RB1CC1: variants seen among roughly 807,000 people sequenced by gnomAD.
The protein encoded by RB1CC1 is RB1 inducible coiled-coil 1, also known as RB1-inducible coiled-coil protein 1.
A neutral mutation model predicts 177.5 loss-of-function variants in RB1CC1; 46 were observed. That is an observed-to-expected ratio of 0.26 (90% confidence interval 0.20 to 0.33). The LOEUF (loss-of-function observed/expected upper bound fraction) is 0.33, where lower values mean the gene tolerates loss of function less well. Ranked by LOEUF, RB1CC1 falls within the 10% of genes least tolerant of loss-of-function variation. The pLI, the probability that RB1CC1 is intolerant of heterozygous loss-of-function variation, is 1.00. For synonymous variants in RB1CC1, 666 were observed against 613.6 expected, an observed-to-expected ratio of 1.09 and a Z score of -1.26; for missense variants, 1,703 against 1,816.3, an observed-to-expected ratio of 0.94 and a Z score of 1.13.
chr8:52,671,999 G>A (rs1852647486), intron 7 of RB1CC1, among the ~76,000 whole-genome samples: 1 of 152,106 alleles, frequency 6.6e-6, no homozygotes, highest in African/African-American at 2.4e-5. Flanking sequence ...TAATATAATG[G>A]TCATGTAAAA....
chr8:52,652,622 A>G (rs529461798), intron 15 of RB1CC1, among the ~76,000 whole-genome samples: 1 of 152,320 alleles, frequency 6.6e-6, no homozygotes, highest in South Asian at 2.1e-4. Context: ...GCGTAAAAAG[A>G]TACTGTGACA....
At chr8:52,630,155 T>C (rs1436586692) in intron 21 of RB1CC1, among the ~76,000 whole-genome samples, 4 of 152,250 alleles carry the variant, frequency 2.6e-5, no homozygotes, top group South Asian at 4.1e-4. Context: ...CTCTCCAATA[T>C]AGATTAACAA....
In RB1CC1 at chr8:52,657,780, T is replaced by TGCA; in HGVS notation, c.2046_2048dup (p.Ala683dup). 1.9e-6 allele frequency: 3 copies of TGCA among 1,613,912 alleles called. No individual in the cohort carries two copies. Among genetic ancestry groups the TGCA allele is most frequent in the Non-Finnish European group, 2.5e-6 (3 of 1,179,980 alleles). ...GAGATAATTCTTCTAAGGGACAAAC[T>TGCA]GCAGGACATAAGGGATCCTGAACAG... is the stretch of plus-strand genomic sequence containing the variant. On this transcript the variant is annotated inframe_insertion, in exon 15 of 24. Transcript: ENST00000025008.
In RB1CC1 at chr8:52,657,540, T is replaced by A. The variant is rs1479894023; in HGVS notation, c.2289A>T (p.Ser763=). The part of the protein sequence containing the change: ...DPQSPEMMVE[S]LYSSVINAID... ...TCGCATTGATAACTGATGAATAAAGTGATTCCACCATCATTTCTGGGCTTT... is the reference window on the plus strand; with the variant it reads ...TCGCATTGATAACTGATGAATAAAGAGATTCCACCATCATTTCTGGGCTTT... The change falls in exon 15 of 24, where the codon TCA becomes TCT. Residue 763 remains serine, a synonymous_variant. Coordinates refer to ENST00000025008, the MANE Select transcript of RB1CC1 (RefSeq NM_014781.5). 1 of 1,614,054 alleles carries A rather than the reference T, an allele frequency of 6.2e-7. No homozygotes were observed. Among genetic ancestry groups the A allele is most frequent in the East Asian group, 2.2e-5 (1 of 44,864 alleles).
chr8:52,644,507 A>G (rs550497044), intron 16 of RB1CC1, among the ~76,000 whole-genome samples: 3 of 152,306 alleles, frequency 2.0e-5, no homozygotes, highest in East Asian at 3.9e-4. Context: ...CATAGAGAAG[A>G]ATCTATAAAT....
At position 52,623,125 on chromosome 8, in the gene RB1CC1, A is replaced by C. The variant is rs1269410188; in HGVS notation, c.*657T>G. On this transcript the variant is annotated 3_prime_UTR_variant, in exon 24 of 24. Coordinates refer to ENST00000025008, the MANE Select transcript of RB1CC1 (RefSeq NM_014781.5). ...GACTCTTCCCTTTAGAACCCAGATG[A>C]CCAATCCACTGAAAGTGCTTTTGAA... is the stretch of plus-strand genomic sequence containing the variant. The C allele has an allele frequency of 6.5e-6, 1 of 154,084 alleles. No individual in the cohort carries two copies. The highest frequency in any genetic ancestry group is 2.4e-5 in the African/African-American group (1 of 41,382). The allele number at this position is 154,084 out of a possible 1,614,324, so 9.5% of individuals were successfully genotyped here.
chr8:52,683,730 TA>T lies in RB1CC1; in HGVS notation c.199-12del, dbSNP rs757285823. 8 of 1,565,632 alleles carry T rather than the reference TA, an allele frequency of 5.1e-6. No individual in the cohort carries two copies. The highest frequency in any genetic ancestry group is 6.9e-6 in the Non-Finnish European group (8 of 1,156,018). On this transcript the variant is annotated splice_polypyrimidine_tract_variant and intron_variant, in intron 4 of 23. Transcript: ENST00000025008. Reference sequence around the variant, plus strand: ...AATTGGATTTGTATCCTATATTTTTTAAAAAAGGAGAAATAACCAAAATAAA... The same window carrying T: ...AATTGGATTTGTATCCTATATTTTTTAAAAAGGAGAAATAACCAAAATAAA...
intron 1 of RB1CC1, among the ~76,000 whole-genome samples, chr8:52,697,176 G>A (rs1855491740): frequency 6.6e-6 from 1 of 151,704 alleles, no homozygotes; most frequent in African/African-American, 2.4e-5. Flanking sequence ...TGTACCTACG[G>A]TTTCCAGTTT....
intron 1 of RB1CC1, among the ~76,000 whole-genome samples, chr8:52,711,555 A>G (rs942906385): frequency 6.6e-6 from 1 of 152,198 alleles, no homozygotes; most frequent in African/African-American, 2.4e-5. Flanking sequence ...ACATAGACAG[A>G]TATGTCTTTC....
At chr8:52,693,678 T>C in intron 1 of RB1CC1, among the ~76,000 whole-genome samples, 1 of 152,050 alleles carries the variant, frequency 6.6e-6, no homozygotes, top group East Asian at 1.9e-4. Context: ...TCAAAGACCT[T>C]GAGGCAGAAA....
intron 1 of RB1CC1, among the ~76,000 whole-genome samples, chr8:52,695,419 T>C (rs1007828207): frequency 6.6e-6 from 1 of 152,232 alleles, no homozygotes; most frequent in African/African-American, 2.4e-5. Context: ...TCTAGGCCCC[T>C]GTAATATCCT....
intron 23 of RB1CC1, among the ~76,000 whole-genome samples, chr8:52,624,099 G>C (rs955955524): frequency 2.0e-5 from 3 of 151,872 alleles, no homozygotes; most frequent in Non-Finnish European, 4.4e-5. Context: ...TGAGTGAATA[G>C]GAAAGACAAA....
chr8:52,630,327 A>C, intron 21 of RB1CC1, 143 bp downstream of exon 21: 1 of 950,666 alleles, frequency 1.1e-6, no homozygotes, highest in Non-Finnish European at 1.5e-6. Context: ...CCTGCTTTCC[A>C]GTAAAAAACT....
chr8:52,662,922 C>A (rs760369975), intron 8 of RB1CC1, among the ~76,000 whole-genome samples: 2 of 151,900 alleles, frequency 1.3e-5, no homozygotes, highest in Non-Finnish European at 2.9e-5. Flanking sequence ...TTATTGAATC[C>A]ATGAAAAATA....
intron 19 of RB1CC1, among the ~76,000 whole-genome samples, chr8:52,635,277 G>A (rs1223255809): frequency 1.3e-5 from 2 of 152,086 alleles, no homozygotes; most frequent in African/African-American, 2.4e-5. Context: ...TAACTAAGTC[G>A]TGCCTAAGAG....
intron 20 of RB1CC1, among the ~76,000 whole-genome samples, 187 bp downstream of exon 20, chr8:52,634,734 G>C (rs2150388687): frequency 6.6e-6 from 1 of 152,298 alleles, no homozygotes; most frequent in East Asian, 1.9e-4. Flanking sequence ...CTACAGTCAG[G>C]AGATAACTCT....
At chr8:52,710,238 C>G (rs1856934800) in intron 1 of RB1CC1, among the ~76,000 whole-genome samples, 1 of 152,144 alleles carries the variant, frequency 6.6e-6, no homozygotes, top group East Asian at 1.9e-4. Context: ...AGGCATTTTC[C>G]TCACATTTCC....
chr8:52,655,289 T>C (rs2150468270), intron 15 of RB1CC1, among the ~76,000 whole-genome samples: 1 of 152,292 alleles, frequency 6.6e-6, no homozygotes, highest in East Asian at 1.9e-4. Context: ...AATATATATG[T>C]ATTCACTTGG....
chr8:52,629,610 C>G (rs1380602489), intron 21 of RB1CC1, among the ~76,000 whole-genome samples: 1 of 152,144 alleles, frequency 6.6e-6, no homozygotes, highest in Non-Finnish European at 1.5e-5. Context: ...GAAAAGTCAA[C>G]AAGAATTTAA....
Sources: gnomAD v4.1 joint callset for allele counts (sites outside exome capture counted in the v4.1 genomes callset) on GRCh38, gnomAD v4.1.1 for gene constraint, MANE v1.5 for transcripts, NCBI Gene and HGNC (gene_info 2026-07-23, HGNC 2026-07-21) for gene names.